Variants in SLC24A4 observed in about 807,000 individuals in gnomAD.
The protein encoded by SLC24A4 is sodium/potassium/calcium exchanger 4.
Under a neutral mutation model 79.0 loss-of-function variants are expected in SLC24A4, and 53 were observed. That is an observed-to-expected ratio of 0.67 (90% CI 0.54 to 0.84). SLC24A4 has a LOEUF of 0.84. Ranked by LOEUF, SLC24A4 falls within the 40% of genes least tolerant of loss-of-function variation. The pLI is 0.00. For synonymous variants in SLC24A4, 323 were observed against 323.8 expected (o/e 1.00, Z 0.03); for missense variants, 731 against 822.0 (o/e 0.89, Z 1.35).
At position 92,325,903 on chromosome 14, in the gene SLC24A4, C is replaced by T. The variant is rs1319984207; in HGVS notation, c.166C>T (p.Pro56Ser). 1 of 1,612,020 alleles carries T rather than the reference C, an allele frequency of 6.2e-7. No homozygotes were observed. Among genetic ancestry groups the T allele is most frequent in the Non-Finnish European group, 8.5e-7 (1 of 1,179,034 alleles). ...AGCTTCTGCTAGCAAACGTGTCCTG[C>T]CAGACACGTGGAGAAATAGAAAGTT... ...KTASASKRVL[P>S]DTWRNRKLMA... is the part of the protein sequence containing the mutation. Residue 56 changes from proline to serine, a missense_variant, in exon 2 of 17, where the codon CCA becomes TCA. Pro to Ser is a moderately conservative substitution (Grantham distance 74, BLOSUM62 -1). Coordinates refer to ENST00000532405, the MANE Select transcript of SLC24A4 (RefSeq NM_153646.4).
chr14:92,454,881 C>A (rs1448351831), intron 11 of SLC24A4, among the ~76,000 whole-genome samples: 1 of 144,428 alleles, frequency 6.9e-6, no homozygotes, highest in Non-Finnish European at 1.6e-5. Context: ...AAATTTGAAT[C>A]AATGAAATTT....
chr14:92,343,634 T>C (rs10151866), intron 2 of SLC24A4, among the ~76,000 whole-genome samples: 3,104 of 93,498 alleles, frequency 0.033, 35 homozygotes, highest in Middle Eastern at 0.065. Context: ...CTTTCTTTCT[T>C]TCTTTCTCTC....
chr14:92,403,828 C>G (rs1409040570), intron 2 of SLC24A4, among the ~76,000 whole-genome samples: 1 of 137,636 alleles, frequency 7.3e-6, no homozygotes, highest in African/African-American at 2.6e-5. Flanking sequence ...TTGGGCACTG[C>G]CCCTCCCCCC....
At position 92,501,152 on chromosome 14, in the gene SLC24A4, G is replaced by A. The variant is rs1234283830; in HGVS notation, c.*7524G>A. ...CGCTGAGCTGAACACCACCATCTTT[G>A]TTCATTCTCTCTCTAATGGGCAAAG... On this transcript the variant is annotated 3_prime_UTR_variant, in exon 17 of 17. Transcript: ENST00000532405. 2.0e-5 allele frequency: 3 copies of A among 152,176 alleles called. No homozygotes were observed. The highest frequency in any genetic ancestry group is 7.2e-5 in the African/African-American group (3 of 41,430). The allele number at this position is 152,176 out of a possible 1,614,324, so 9.4% of individuals were successfully genotyped here.
intron 2 of SLC24A4, among the ~76,000 whole-genome samples, chr14:92,343,101 A>T (rs576191189): frequency 6.8e-4 from 103 of 152,346 alleles, no homozygotes; most frequent in African/African-American, 2.4e-3. Context: ...GCTGCCTGGG[A>T]ACTCTGCAGC....
At chr14:92,420,687 G>A (rs530096184) in intron 2 of SLC24A4, among the ~76,000 whole-genome samples, 48 of 152,220 alleles carry the variant, frequency 3.2e-4, no homozygotes, top group African/African-American at 9.6e-4. Context: ...CTGGCCATAC[G>A]GTCTAGTTAG....
rs1374513948 is a variant in SLC24A4 at position 92,486,895 on chromosome 14, C to T, written c.1537+115C>T. 3 of 651,428 alleles carry T rather than the reference C, an allele frequency of 4.6e-6. No homozygotes were observed. In the African/African-American group the frequency reaches 5.5e-5, roughly 12 times the overall value. The allele number at this position is 651,428 out of a possible 1,614,324, so 40.4% of individuals were successfully genotyped here. A position where few individuals can be genotyped will look rare whatever the true frequency, so the allele number is the denominator to read the frequency against. On this transcript the variant is annotated intron_variant, in intron 14 of 16. Coordinates refer to ENST00000532405, the MANE Select transcript of SLC24A4 (RefSeq NM_153646.4). ...TCTTATGACTGGCAGTTGTCAAGTC[C>T]TGCTGTGGAGAAAAACTGCGACATC...
At chr14:92,368,727 G>A (rs1480823922) in intron 2 of SLC24A4, among the ~76,000 whole-genome samples, 2 of 152,106 alleles carry the variant, frequency 1.3e-5, no homozygotes, top group Non-Finnish European at 2.9e-5. Context: ...GGCAGGGGGA[G>A]CCAAAAACAG....
intron 12 of SLC24A4, among the ~76,000 whole-genome samples, chr14:92,476,231 C>G (rs910564416): frequency 1.3e-5 from 2 of 152,214 alleles, no homozygotes; most frequent in African/African-American, 4.8e-5. Flanking sequence ...TAGAAATACA[C>G]TAGGCCTTCC....
At position 92,483,668 on chromosome 14, in the gene SLC24A4, TC is replaced by T. The variant is rs1361100448; in HGVS notation, c.1422+824del. On this transcript the variant is annotated intron_variant, in intron 13 of 16. Coordinates refer to ENST00000532405, the MANE Select transcript of SLC24A4 (RefSeq NM_153646.4). ...GGCTGGGTCAGGCCACACAGGAGCC[TC>T]CTTCCCCACTCTCTGTATACCACCT... 1.2e-5 allele frequency: 15 copies of T among 1,213,650 alleles called. No homozygotes were observed. The African/African-American group carries it at 2.3e-4, about 19-fold the overall frequency. 75.2% of individuals were successfully genotyped at this position (1,213,650 alleles called of 1,614,324 possible). A position where few individuals can be genotyped will look rare whatever the true frequency, so the allele number is the denominator to read the frequency against.
intron 16 of SLC24A4, chr14:92,492,787 G>A (rs1414455010): frequency 1.8e-5 from 8 of 448,744 alleles, no homozygotes; most frequent in Admixed American, 1.2e-4. Context: ...TTGAACCCAG[G>A]TTGGTCTGTC....
chr14:92,425,200 A>G (rs1891502042), intron 2 of SLC24A4, among the ~76,000 whole-genome samples: 1 of 152,142 alleles, frequency 6.6e-6, no homozygotes, highest in South Asian at 2.1e-4. Flanking sequence ...CCAGAAACCA[A>G]CCCTGCAGGC....
chr14:92,323,524 C>T lies in SLC24A4; in HGVS notation c.-307C>T. On this transcript the variant is annotated 5_prime_UTR_variant, in exon 1 of 17. Transcript: ENST00000532405. The surrounding 1 kb of genome is among the most constrained non-coding windows in gnomAD (Gnocchi z 4.9). Reference sequence around the variant, plus strand: ...GGTAGCGGCTCTAGCGCCGGGACTGCGCCAGCCCTGCGAGCCCGGGCCGCC... The same window carrying T: ...GGTAGCGGCTCTAGCGCCGGGACTGTGCCAGCCCTGCGAGCCCGGGCCGCC... 5.0e-6 allele frequency: 1 copy of T among 201,540 alleles called. No individual in the cohort carries two copies. The highest frequency in any genetic ancestry group is 9.9e-6 in the Non-Finnish European group (1 of 100,852). 12.5% of individuals were successfully genotyped at this position (201,540 alleles called of 1,614,324 possible). A position where few individuals can be genotyped will look rare whatever the true frequency, so the allele number is the denominator to read the frequency against.
intron 2 of SLC24A4, among the ~76,000 whole-genome samples, chr14:92,429,207 G>A (rs931204050): frequency 2.6e-5 from 4 of 152,078 alleles, no homozygotes; most frequent in African/African-American, 7.2e-5. Flanking sequence ...ACAACCAGGA[G>A]TAGGGGTGCA....
rs143714122 is a variant in SLC24A4 at position 92,501,165 on chromosome 14, C to T, written c.*7537C>T. 33 of 152,332 alleles carry T rather than the reference C, an allele frequency of 2.2e-4. No individual in the cohort carries two copies. Among genetic ancestry groups the T allele is most frequent in the African/African-American group, 7.9e-4 (33 of 41,560 alleles). 9.4% of individuals were successfully genotyped at this position (152,332 alleles called of 1,614,324 possible). A position where few individuals can be genotyped will look rare whatever the true frequency, so the allele number is the denominator to read the frequency against. ...ACCACCATCTTTGTTCATTCTCTCT[C>T]TAATGGGCAAAGCAGGATCATCGAG... On this transcript the variant is annotated 3_prime_UTR_variant, in exon 17 of 17. Coordinates refer to ENST00000532405, the MANE Select transcript of SLC24A4 (RefSeq NM_153646.4).
chr14:92,326,491 G>A (rs892195928), intron 2 of SLC24A4, among the ~76,000 whole-genome samples: 1 of 152,268 alleles, frequency 6.6e-6, no homozygotes, highest in Non-Finnish European at 1.5e-5. Context: ...CAGCCCTGGA[G>A]ACTGATTCTG....
intron 2 of SLC24A4, among the ~76,000 whole-genome samples, chr14:92,354,517 T>C (rs1317073611): frequency 6.6e-6 from 1 of 152,202 alleles, no homozygotes; most frequent in Admixed American, 6.5e-5. Context: ...CTTGCCGTTA[T>C]GTAGTTTACA....
chr14:92,354,646 A>C lies in SLC24A4; in HGVS notation c.241+28668A>C, dbSNP rs917925203. On this transcript the variant is annotated intron_variant, in intron 2 of 16. Transcript: ENST00000532405. Reference sequence around the variant, plus strand: ...TAATGTGCACACAAATCACTTGGGGAATCTTGTGAAAATGCAGATTCTGAT... The same window carrying C: ...TAATGTGCACACAAATCACTTGGGGCATCTTGTGAAAATGCAGATTCTGAT... Among the ~76,000 whole-genome samples, 10 of 152,218 alleles carry C rather than the reference A, an allele frequency of 6.6e-5. 1 individual carries two copies. Among genetic ancestry groups the C allele is most frequent in the Admixed American group, 5.2e-4 (8 of 15,274 alleles).
chr14:92,433,291 C>T (rs1891975821), intron 2 of SLC24A4, among the ~76,000 whole-genome samples: 1 of 152,234 alleles, frequency 6.6e-6, no homozygotes, highest in Non-Finnish European at 1.5e-5. Flanking sequence ...TCCTCTATTA[C>T]TGAGCAGATG....
Sources: allele counts gnomAD v4.1 joint callset (sites outside exome capture counted in the v4.1 genomes callset), GRCh38; gene constraint gnomAD v4.1.1; non-coding constraint Gnocchi (gnomAD v3.1); transcripts MANE v1.5; gene names NCBI Gene and HGNC (gene_info 2026-07-23, HGNC 2026-07-21).